The following ANKRD13D variants were observed in gnomAD, a reference collection of about 807,000 sequenced individuals.
ANKRD13D encodes the protein ankyrin repeat domain-containing protein 13D.
In ANKRD13D, 24 loss-of-function variants were observed where a neutral mutation model predicts 68.8. The ratio of observed to expected loss-of-function variants is 0.35; its 90% confidence interval spans 0.25 to 0.49. The LOEUF (loss-of-function observed/expected upper bound fraction) is 0.49. Among genes scored for constraint, ANKRD13D ranks in the 20% least tolerant of loss-of-function variants. The probability of loss-of-function intolerance (pLI) is 0.99; values close to 1 mark genes in which losing one functional copy is unlikely to be tolerated. For synonymous variants in ANKRD13D, 331 were observed against 336.1 expected (o/e 0.98, Z 0.16); for missense variants, 735 against 832.1 (o/e 0.88, Z 1.44).
rs980960335 is a variant in ANKRD13D, at chr11:67,300,137, G to A, written c.1073+14G>A. The A allele has an allele frequency of 1.2e-6, 2 of 1,613,448 alleles. No individual in the cohort carries two copies. The highest frequency in any genetic ancestry group is 1.7e-6 in the Non-Finnish European group (2 of 1,179,770). On this transcript the variant is annotated intron_variant, in intron 10 of 14. Coordinates refer to ENST00000511455, the MANE Select transcript of ANKRD13D (RefSeq NM_207354.3). The surrounding 1 kb of genome is among the most constrained non-coding windows in gnomAD (Gnocchi z 4.3). ...CAAAGTACAGAGGTGAGGTCTGAGA[G>A]CTGGCTGGGGACTTGCCTCGGGACA...
At position 67,290,466 on chromosome 11, in the gene ANKRD13D, T is replaced by C. The variant is rs1233823253; in HGVS notation, c.351+20T>C. 5 of 1,557,074 alleles carry C rather than the reference T, an allele frequency of 3.2e-6. No individual in the cohort carries two copies. The highest frequency in any genetic ancestry group is 2.3e-5 in the East Asian group (1 of 42,676). ...CGCCAGGTACAGCAGGGCACAGTTA[T>C]GGAGGTGGGGTACCATGGCAGGGCA... On this transcript the variant is annotated intron_variant, in intron 3 of 14. Coordinates refer to ENST00000511455, the MANE Select transcript of ANKRD13D (RefSeq NM_207354.3).
At chr11:67,296,224 CT>C (rs1860750974) in intron 6 of ANKRD13D, among the ~76,000 whole-genome samples, 1 of 151,984 alleles carries the variant, frequency 6.6e-6, no homozygotes, top group Non-Finnish European at 1.5e-5. Context: ...TGCCTCATAA[CT>C]GAAGTGGAAA....
Position 67,301,807 on chromosome 11 carries a change from C to G in ANKRD13D, c.1588C>G (p.Gln530Glu). Residue 530 changes from glutamine to glutamate, a missense_variant, in exon 14 of 15, where the codon CAG (glutamine) becomes GAG (glutamate). Gln to Glu is a conservative substitution (Grantham distance 29, BLOSUM62 2). Transcript: ENST00000511455. This position sits in a 1 kb window ranked among gnomAD's most constrained non-coding sequence, Gnocchi z 4.5. ...PPPQATVYEE[Q>E]LQLERALQES... Reference sequence around the variant, plus strand: ...TCCCCAGGCCACGGTTTATGAGGAACAGCTTCAGCTGGAGCGGTGAGCCCC... The same window carrying G: ...TCCCCAGGCCACGGTTTATGAGGAAGAGCTTCAGCTGGAGCGGTGAGCCCC... The G allele has an allele frequency of 6.2e-7, 1 of 1,602,376 alleles. No homozygotes were observed. Among genetic ancestry groups the G allele is most frequent in the Non-Finnish European group, 8.5e-7 (1 of 1,175,164 alleles).
chr11:67,293,552 A>T (rs1357121861), intron 6 of ANKRD13D, among the ~76,000 whole-genome samples: 1 of 152,144 alleles, frequency 6.6e-6, no homozygotes, highest in Non-Finnish European at 1.5e-5. Flanking sequence ...CCCAGGATGG[A>T]GTGCAGTGAC....
chr11:67,299,685 CAG>C lies in ANKRD13D; in HGVS notation c.880+77_880+78del, dbSNP rs1161518404. ...GTCACCCTGGCCTGGGATTAGGGGC[CAG>C]AGTTTCCCAGGATGAGCTGGGAGGC... On this transcript the variant is annotated intron_variant, in intron 8 of 14. Transcript: ENST00000511455. This position sits in a 1 kb window ranked among gnomAD's most constrained non-coding sequence, Gnocchi z 6.2. 1 of 1,530,316 alleles carries C rather than the reference CAG, an allele frequency of 6.5e-7. No individual in the cohort carries two copies. Among genetic ancestry groups the C allele is most frequent in the Admixed American group, 2.0e-5 (1 of 50,170 alleles). 94.8% of individuals were successfully genotyped at this position (1,530,316 alleles called of 1,614,324 possible). A position where few individuals can be genotyped will look rare whatever the true frequency, so the allele number is the denominator to read the frequency against.
intron 6 of ANKRD13D, among the ~76,000 whole-genome samples, chr11:67,293,769 G>T (rs368781516): frequency 1.4e-3 from 216 of 152,228 alleles, no homozygotes; most frequent in African/African-American, 5.0e-3. Flanking sequence ...CTGCCTACCT[G>T]GGCCTCCCAC....
chr11:67,291,541 C>T lies in ANKRD13D; in HGVS notation c.397+20C>T, dbSNP rs763835861. On this transcript the variant is annotated intron_variant, in intron 4 of 14. Transcript: ENST00000511455. Reference sequence around the variant, plus strand: ...GCTGGGGTGAGTGGGGACCTCTGGGCTCCCAGGGATTTGGGGTGGGGCCTT... The same window carrying T: ...GCTGGGGTGAGTGGGGACCTCTGGGTTCCCAGGGATTTGGGGTGGGGCCTT... 7.4e-6 allele frequency: 12 copies of T among 1,613,744 alleles called. 1 individual carries two copies. The South Asian group carries it at 1.2e-4, about 16-fold the overall frequency.
In ANKRD13D at chr11:67,299,513, T is replaced by G; in HGVS notation, c.799-17T>G. ...CAGGCTCTGAGCCCCCAGCTCCCCGTGTCCCCTGCTCCCCAGGTGTACAGT... is the reference window on the plus strand; with the variant it reads ...CAGGCTCTGAGCCCCCAGCTCCCCGGGTCCCCTGCTCCCCAGGTGTACAGT... On this transcript the variant is annotated splice_polypyrimidine_tract_variant and intron_variant, in intron 7 of 14. Transcript: ENST00000511455. The surrounding 1 kb of genome is among the most constrained non-coding windows in gnomAD (Gnocchi z 6.2). 1 of 1,548,846 alleles carries G rather than the reference T, an allele frequency of 6.5e-7. No individual in the cohort carries two copies. The highest frequency in any genetic ancestry group is 8.7e-7 in the Non-Finnish European group (1 of 1,145,546).
chr11:67,292,303 G>A, intron 6 of ANKRD13D, 123 bp downstream of exon 6: 1 of 1,168,406 alleles, frequency 8.6e-7, no homozygotes, highest in South Asian at 2.1e-5. Context: ...ACAAGGGGCT[G>A]CTCAGGGGCA....
chr11:67,290,082 A>G lies in ANKRD13D; in HGVS notation c.95A>G (p.Asp32Gly). Residue 32 changes from aspartate (D) to glycine (G), a missense_variant, in exon 2 of 15, where the codon GAC becomes GGC. Coordinates refer to ENST00000511455, the MANE Select transcript of ANKRD13D (RefSeq NM_207354.3). ...TGAGTGTCCCGTCTCCCCCAGCACG[A>G]CATTGAACAGGAGGACCCCCGCGGG... ...LEAALHSHQH[D>G]IEQEDPRGRT... 1 of 1,536,974 alleles carries G rather than the reference A, an allele frequency of 6.5e-7. No individual in the cohort carries two copies. The highest frequency in any genetic ancestry group is 8.7e-7 in the Non-Finnish European group (1 of 1,146,796).
At chr11:67,295,417 A>C (rs979346284) in intron 6 of ANKRD13D, among the ~76,000 whole-genome samples, 11 of 148,786 alleles carry the variant, frequency 7.4e-5, no homozygotes, top group Admixed American at 4.0e-4. Context: ...ACTCCATCTC[A>C]AAAAAAAAGG....
chr11:67,300,745 C>A lies in ANKRD13D; in HGVS notation c.1074-245C>A. 5 of 582,560 alleles carry A rather than the reference C, an allele frequency of 8.6e-6. No homozygotes were observed. Among genetic ancestry groups the A allele is most frequent in the Middle Eastern group, 4.5e-4 (1 of 2,200 alleles). The allele number at this position is 582,560 out of a possible 1,614,324, so 36.1% of individuals were successfully genotyped here. On this transcript the variant is annotated intron_variant, in intron 10 of 14. Coordinates refer to ENST00000511455, the MANE Select transcript of ANKRD13D (RefSeq NM_207354.3). This position sits in a 1 kb window ranked among gnomAD's most constrained non-coding sequence, Gnocchi z 4.3. The stretch of plus-strand genomic sequence containing the variant: ...ACAGCCTGGCACCTGGCCTCCTTGT[C>A]CAGACCAGATGAGCTGGTACGAAAT...
rs535559156 is a variant in ANKRD13D, at chr11:67,299,479, T to C, written c.799-51T>C. On this transcript the variant is annotated intron_variant, in intron 7 of 14. Coordinates refer to ENST00000511455, the MANE Select transcript of ANKRD13D (RefSeq NM_207354.3). This position sits in a 1 kb window ranked among gnomAD's most constrained non-coding sequence, Gnocchi z 6.2. ...TGGGTTCTGCACTGGTGAGGCTGAG[T>C]GTGGGGAGCAGGCTCTGAGCCCCCA... is the stretch of plus-strand genomic sequence containing the variant. 8.3e-6 allele frequency: 12 copies of C among 1,449,762 alleles called. No individual in the cohort carries two copies. The Admixed American group carries it at 1.4e-4, about 17-fold the overall frequency. The allele number at this position is 1,449,762 out of a possible 1,614,324, so 89.8% of individuals were successfully genotyped here.
At position 67,299,045 on chromosome 11, in the gene ANKRD13D, T is replaced by C. The variant is rs1016056897; in HGVS notation, c.732-13T>C. On this transcript the variant is annotated splice_polypyrimidine_tract_variant and intron_variant, in intron 6 of 14. Transcript: ENST00000511455. The surrounding 1 kb of genome is among the most constrained non-coding windows in gnomAD (Gnocchi z 6.2). ...GGTGCAGGTCTCACCAGCTCCTGTT[T>C]GGTCTGTTTCAGGAACAAATGTGGT... 2 of 1,613,750 alleles carry C rather than the reference T, an allele frequency of 1.2e-6. No individual in the cohort carries two copies. The highest frequency in any genetic ancestry group is 8.5e-7 in the Non-Finnish European group (1 of 1,179,926).
chr11:67,300,274 A>C lies in ANKRD13D; in HGVS notation c.1073+151A>C. ...GGCAGGAGTCATGTCTGCCTTATCC[A>C]TGGTCCTCAGCCCTTAGCAAGGGGC... On this transcript the variant is annotated intron_variant, in intron 10 of 14. Coordinates refer to ENST00000511455, the MANE Select transcript of ANKRD13D (RefSeq NM_207354.3). This position sits in a 1 kb window ranked among gnomAD's most constrained non-coding sequence, Gnocchi z 4.3. The C allele has an allele frequency of 1.7e-6, 2 of 1,154,042 alleles. No individual in the cohort carries two copies. Among genetic ancestry groups the C allele is most frequent in the Admixed American group, 5.2e-5 (2 of 38,286 alleles). 71.5% of individuals were successfully genotyped at this position (1,154,042 alleles called of 1,614,324 possible).
In ANKRD13D at chr11:67,299,828, G is replaced by A. The variant is rs775224889; in HGVS notation, c.882G>A (p.Ala294=). Residue 294 remains alanine (A), a splice_region_variant and synonymous_variant, in exon 9 of 15, where the codon GCG becomes GCA. Coordinates refer to ENST00000511455, the MANE Select transcript of ANKRD13D (RefSeq NM_207354.3). This position sits in a 1 kb window ranked among gnomAD's most constrained non-coding sequence, Gnocchi z 6.2. The part of the protein sequence containing the change: ...LSDQDKSRSK[A]GKTPFQSFLG... ...CCAGCTCCCACCCCTTCTCCGTAGC[G>A]GGGAAGACTCCATTCCAGTCCTTCC... 17 of 1,533,668 alleles carry A rather than the reference G, an allele frequency of 1.1e-5. No homozygotes were observed. The highest frequency in any genetic ancestry group is 1.1e-4 in the African/African-American group (8 of 72,396).
chr11:67,299,910 A>T lies in ANKRD13D; in HGVS notation c.942+22A>T. On this transcript the variant is annotated intron_variant, in intron 9 of 14. Coordinates refer to ENST00000511455, the MANE Select transcript of ANKRD13D (RefSeq NM_207354.3). The surrounding 1 kb of genome is among the most constrained non-coding windows in gnomAD (Gnocchi z 6.2). ...CGGGGTGAGCCGGGGCTGGGCCGAG[A>T]CAGGGCTGGCGGGGGGCCGAGCCTG... is the stretch of plus-strand genomic sequence containing the variant. 1 of 1,557,142 alleles carries T rather than the reference A, an allele frequency of 6.4e-7. No individual in the cohort carries two copies. The highest frequency in any genetic ancestry group is 8.7e-7 in the Non-Finnish European group (1 of 1,149,596).
intron 1 of ANKRD13D, 188 bp downstream of exon 1, chr11:67,289,738 C>T: frequency 1.4e-6 from 2 of 1,408,166 alleles, no homozygotes; most frequent in South Asian, 1.5e-5. Context: ...CCTCCTCTCC[C>T]CTGCGCTGGG....
chr11:67,294,692 C>G (rs919969018), intron 6 of ANKRD13D, among the ~76,000 whole-genome samples: 1 of 152,014 alleles, frequency 6.6e-6, no homozygotes, highest in African/African-American at 2.4e-5. Context: ...AGGTGCCCAC[C>G]ACCACTCCTT....
Sources: gnomAD v4.1 joint callset for allele counts (sites outside exome capture counted in the v4.1 genomes callset) on GRCh38, gnomAD v4.1.1 for gene constraint, Gnocchi (gnomAD v3.1) non-coding constraint, MANE v1.5 for transcripts, NCBI Gene and HGNC (gene_info 2026-07-23, HGNC 2026-07-21) for gene names.